PPARGC1A: variants seen among roughly 807,000 people sequenced by gnomAD.
PPARGC1A encodes PPARG coactivator 1 alpha.
In PPARGC1A, 25 loss-of-function variants were observed where a neutral mutation model predicts 88.7. That is an observed-to-expected ratio of 0.28 (90% CI 0.21 to 0.39). PPARGC1A has a LOEUF of 0.39. PPARGC1A is among the 10% of genes least tolerant of loss of function. The pLI is 1.00. For synonymous variants in PPARGC1A, 363 were observed against 355.6 expected, an observed-to-expected ratio of 1.02 and a Z score of -0.24; for missense variants, 880 against 968.7, an observed-to-expected ratio of 0.91 and a Z score of 1.22.
chr4:23,932,822 A>G, the PPARGC1A span, among the ~76,000 whole-genome samples: 1 of 152,146 alleles, frequency 6.6e-6, no homozygotes, highest in Non-Finnish European at 1.5e-5. Flanking sequence ...GGTACTGCAT[A>G]TTCTAAGATT....
the PPARGC1A span, among the ~76,000 whole-genome samples, chr4:24,099,517 T>TAC: frequency 1.3e-5 from 2 of 152,116 alleles, no homozygotes; most frequent in African/African-American, 4.8e-5. Context: ...AAAGGAGCCT[T>TAC]ACACATGGCT....
At chr4:24,366,664 A>C in the PPARGC1A span, among the ~76,000 whole-genome samples, 1 of 152,090 alleles carries the variant, frequency 6.6e-6, no homozygotes, top group East Asian at 1.9e-4. Context: ...TACTCAAAAA[A>C]CTTGAGCCTG....
chr4:24,457,022 C>G, the PPARGC1A span, among the ~76,000 whole-genome samples: 1 of 152,100 alleles, frequency 6.6e-6, no homozygotes, highest in African/African-American at 2.4e-5. Context: ...TTCATGGGAC[C>G]AGAGGAAGTA....
At chr4:23,902,906 C>T (rs933477334), upstream of PPARGC1A, among the ~76,000 whole-genome samples, 4 of 152,196 alleles carry the variant, frequency 2.6e-5, no homozygotes, top group Non-Finnish European at 4.4e-5. Context: ...AATCTCAAGG[C>T]AGTGCTGGCA....
the PPARGC1A span, among the ~76,000 whole-genome samples, chr4:24,248,186 G>C: frequency 1.3e-5 from 2 of 151,940 alleles, no homozygotes; most frequent in East Asian, 3.9e-4. Context: ...GTGCAGTGGC[G>C]TTATCTCGGC....
At chr4:24,165,108 A>G in the PPARGC1A span, among the ~76,000 whole-genome samples, 1 of 152,182 alleles carries the variant, frequency 6.6e-6, no homozygotes. Context: ...AAAGCGAAAT[A>G]ATTTAAATAA....
intron 2 of PPARGC1A, among the ~76,000 whole-genome samples, chr4:23,847,880 T>C (rs185360258): frequency 1.3e-5 from 2 of 152,316 alleles, no homozygotes; most frequent in Admixed American, 1.3e-4. Flanking sequence ...TAATGAGCAT[T>C]TTATTCTTAA....
chr4:24,341,779 C>T, the PPARGC1A span, among the ~76,000 whole-genome samples: 1 of 152,194 alleles, frequency 6.6e-6, no homozygotes, highest in South Asian at 2.1e-4. Context: ...CACACACATT[C>T]CATGAAAGCA....
the PPARGC1A span, among the ~76,000 whole-genome samples, chr4:24,221,753 A>G: frequency 9.2e-5 from 14 of 152,312 alleles, no homozygotes; most frequent in African/African-American, 3.4e-4. Flanking sequence ...AGCCTGGGTG[A>G]CAGAGCAGAC....
At chr4:24,435,129 C>A in the PPARGC1A span, among the ~76,000 whole-genome samples, 2 of 152,170 alleles carry the variant, frequency 1.3e-5, no homozygotes, top group Non-Finnish European at 1.5e-5. Flanking sequence ...TTCTCCTGCC[C>A]CTTTCTGGGA....
upstream of PPARGC1A, among the ~76,000 whole-genome samples, chr4:23,901,159 A>C (rs1265882974): frequency 2.6e-5 from 4 of 152,168 alleles, no homozygotes; most frequent in African/African-American, 9.7e-5. Context: ...CAAGGTCAGG[A>C]GATCGAGACC....
upstream of PPARGC1A, among the ~76,000 whole-genome samples, chr4:23,892,658 A>G (rs1718027952): frequency 6.7e-6 from 1 of 149,348 alleles, no homozygotes; most frequent in Non-Finnish European, 1.5e-5. Flanking sequence ...TGCTTTGACT[A>G]TTTCTCTTAC....
chr4:24,397,300 A>G, the PPARGC1A span, among the ~76,000 whole-genome samples: 2 of 152,206 alleles, frequency 1.3e-5, no homozygotes, highest in Admixed American at 1.3e-4. Context: ...AACAATGTAG[A>G]AGAATACATT....
At chr4:23,873,042 A>G (rs547134303) in intron 2 of PPARGC1A, among the ~76,000 whole-genome samples, 1 of 151,896 alleles carries the variant, frequency 6.6e-6, no homozygotes, top group African/African-American at 2.4e-5. Flanking sequence ...TACAAAAAAA[A>G]AATTAGCCAG....
intron 2 of PPARGC1A, among the ~76,000 whole-genome samples, chr4:23,844,828 AT>A (rs1224810356): frequency 7.7e-6 from 1 of 129,216 alleles, no homozygotes; most frequent in African/African-American, 2.9e-5. Flanking sequence ...GATATATATT[AT>A]TATAATATAT....
At chr4:23,904,364 T>C (rs1018037832), upstream of PPARGC1A, among the ~76,000 whole-genome samples, 2 of 152,184 alleles carry the variant, frequency 1.3e-5, no homozygotes, top group Non-Finnish European at 2.9e-5. Flanking sequence ...TAAGTAAATA[T>C]AGCAGTACTG....
chr4:23,965,122 C>G, the PPARGC1A span, among the ~76,000 whole-genome samples: 1 of 152,268 alleles, frequency 6.6e-6, no homozygotes, highest in East Asian at 1.9e-4. Flanking sequence ...CCACTAAGGA[C>G]CCATTTCCTT....
the PPARGC1A span, among the ~76,000 whole-genome samples, chr4:24,303,536 G>A: frequency 4.6e-5 from 7 of 152,172 alleles, no homozygotes; most frequent in South Asian, 4.1e-4. Flanking sequence ...TATCTACTGA[G>A]ACACAAATGG....
chr4:24,342,483 C>A, the PPARGC1A span, among the ~76,000 whole-genome samples: 2 of 151,406 alleles, frequency 1.3e-5, no homozygotes, highest in African/African-American at 4.9e-5. Flanking sequence ...CACTAACCAG[C>A]CTCCCACAAC....
Sources: allele counts gnomAD v4.1 joint callset (sites outside exome capture counted in the v4.1 genomes callset), GRCh38; gene constraint gnomAD v4.1.1; transcripts MANE v1.5; gene names NCBI Gene and HGNC (gene_info 2026-07-23, HGNC 2026-07-21).